ZEB1: variants seen among roughly 807,000 people sequenced by gnomAD.
ZEB1 encodes the protein zinc finger E-box-binding homeobox 1.
Under a neutral mutation model 84.9 loss-of-function variants are expected in ZEB1, and 21 were observed. The observed-to-expected ratio is 0.25, with a 90% CI of 0.18 to 0.36. ZEB1 has a LOEUF of 0.36. Ranked by LOEUF, ZEB1 falls within the 10% of genes least tolerant of loss-of-function variation. The pLI is 1.00. For missense variants in ZEB1, 1,104 were observed against 1,330.2 expected, an observed-to-expected ratio of 0.83 and a Z score of 2.65; for synonymous variants, 420 against 471.1, an observed-to-expected ratio of 0.89 and a Z score of 1.41.
intron 1 of ZEB1, among the ~76,000 whole-genome samples, chr10:31,393,036 T>C (rs1353488510): frequency 2.0e-5 from 3 of 152,048 alleles, no homozygotes; most frequent in Non-Finnish European, 4.4e-5. Flanking sequence ...GGGGGTCTCA[T>C]CATGTTGCCC....
intron 1 of ZEB1, among the ~76,000 whole-genome samples, chr10:31,438,829 G>A (rs2058568600): frequency 6.6e-6 from 1 of 152,188 alleles, no homozygotes; most frequent in African/African-American, 2.4e-5. Context: ...GGGTGACAGA[G>A]TGAGACCTCG....
intron 1 of ZEB1, chr10:31,321,997 G>A (rs2034196167): frequency 1.4e-5 from 3 of 208,328 alleles, no homozygotes; most frequent in Admixed American, 1.1e-4. Context: ...AAACAGATTT[G>A]CGTCTGTTTA....
At chr10:31,373,079 C>G in intron 1 of ZEB1, 1 of 985,404 alleles carries the variant, frequency 1.0e-6, no homozygotes. Flanking sequence ...ACATGATCAT[C>G]CAAATGTCAT....
At chr10:31,406,636 C>G (rs940413433) in intron 1 of ZEB1, among the ~76,000 whole-genome samples, 3 of 151,894 alleles carry the variant, frequency 2.0e-5, no homozygotes, top group Admixed American at 1.3e-4. Context: ...CTCCCATTCT[C>G]TCAGTTGCCT....
chr10:31,416,465 A>G (rs2055232989), intron 1 of ZEB1, among the ~76,000 whole-genome samples: 1 of 152,118 alleles, frequency 6.6e-6, no homozygotes, highest in African/African-American at 2.4e-5. Flanking sequence ...ATGGTCTTGA[A>G]CCAAACGATT....
chr10:31,394,814 A>G (rs996783438), intron 1 of ZEB1, among the ~76,000 whole-genome samples: 1 of 152,228 alleles, frequency 6.6e-6, no homozygotes, highest in African/African-American at 2.4e-5. Context: ...GTGTGAATTT[A>G]GTAAGCTTCA....
At chr10:31,512,900 A>G (rs1592014216) in intron 5 of ZEB1, among the ~76,000 whole-genome samples, 1 of 152,280 alleles carries the variant, frequency 6.6e-6, no homozygotes, top group East Asian at 1.9e-4. Context: ...AACATAAGAA[A>G]GCCTTGAGGC....
chr10:31,361,830 C>T (rs1316904895), intron 1 of ZEB1, among the ~76,000 whole-genome samples: 1 of 149,016 alleles, frequency 6.7e-6, no homozygotes, highest in East Asian at 2.0e-4. Context: ...TCCTCATTTC[C>T]CAGACGGTGA....
chr10:31,363,374 GGGC>G (rs1237604664), intron 1 of ZEB1: 5 of 1,534,328 alleles, frequency 3.3e-6, no homozygotes, highest in Middle Eastern at 2.3e-4. Context: ...GCATGCACCT[GGGC>G]CTTGTCAGTC....
rs1452289496 is a variant in ZEB1 at position 31,452,740 on chromosome 10, T to TGAGAGAGAGA, written c.59-8296_59-8295insAGAGAGAGAG. On this transcript the variant is annotated intron_variant, in intron 1 of 8. Coordinates refer to ENST00000424869, the MANE Select transcript of ZEB1 (RefSeq NM_001174096.2). ...GTGTGTGTGTGTGTGTGTGTGTGTG[T>TGAGAGAGAGA]GTGAGAGAGAGAGAGAGAGAGAGAG... Among the ~76,000 whole-genome samples, 321 of 97,520 alleles carry TGAGAGAGAGA rather than the reference T, an allele frequency of 3.3e-3. 1 individual carries two copies. The highest frequency in any genetic ancestry group is 0.022 in the African/African-American group (298 of 13,276). The allele number at this position is 97,520 out of a possible 152,430, so 64.0% of individuals were successfully genotyped here. A position where few individuals can be genotyped will look rare whatever the true frequency, so the allele number is the denominator to read the frequency against.
intron 2 of ZEB1, among the ~76,000 whole-genome samples, chr10:31,483,833 T>C (rs566073297): frequency 6.6e-6 from 1 of 152,162 alleles, no homozygotes; most frequent in South Asian, 2.1e-4. Flanking sequence ...ACAACACAAA[T>C]TTACTTTCTT....
chr10:31,357,406 A>G (rs1461965048), intron 1 of ZEB1, among the ~76,000 whole-genome samples: 2 of 152,150 alleles, frequency 1.3e-5, no homozygotes, highest in Non-Finnish European at 2.9e-5. Context: ...AACAAGAGAC[A>G]GTTGATATTG....
rs189890628 is a variant in ZEB1, at chr10:31,361,960, C to T, written c.58+42668C>T. ...GGCACTCCTCGCTTCGCAGACGGGACGGCGGCAGGGCAGAGGCGCTCCTCA... is the reference window on the plus strand; with the variant it reads ...GGCACTCCTCGCTTCGCAGACGGGATGGCGGCAGGGCAGAGGCGCTCCTCA... On this transcript the variant is annotated intron_variant, in intron 1 of 8. Transcript: ENST00000424869. Among the ~76,000 whole-genome samples, 693 of 147,952 alleles carry T rather than the reference C, an allele frequency of 4.7e-3. 5 individuals carry two copies. Among genetic ancestry groups the T allele is most frequent in the African/African-American group, 0.016 (622 of 39,524 alleles).
intron 1 of ZEB1, among the ~76,000 whole-genome samples, chr10:31,430,393 G>A (rs2057573256): frequency 6.6e-6 from 1 of 152,170 alleles, no homozygotes; most frequent in African/African-American, 2.4e-5. Context: ...CATTATATGT[G>A]AGGAAAATAC....
chr10:31,511,969 G>A (rs1234001742), intron 5 of ZEB1, among the ~76,000 whole-genome samples: 2 of 152,250 alleles, frequency 1.3e-5, no homozygotes, highest in East Asian at 3.9e-4. Flanking sequence ...ATAGGTTTAT[G>A]GTCCATAAGC....
chr10:31,458,406 C>G (rs891927475), intron 1 of ZEB1, among the ~76,000 whole-genome samples: 2 of 151,164 alleles, frequency 1.3e-5, no homozygotes, highest in African/African-American at 4.9e-5. Flanking sequence ...TCAGGAAACT[C>G]TTACAGTCAG....
chr10:31,425,998 G>T (rs965978802), intron 1 of ZEB1, among the ~76,000 whole-genome samples: 1 of 152,098 alleles, frequency 6.6e-6, no homozygotes, highest in Non-Finnish European at 1.5e-5. Context: ...GAGTACCATG[G>T]TACTTTGGAG....
chr10:31,483,312 T>A (rs1318296016), intron 2 of ZEB1, among the ~76,000 whole-genome samples: 1 of 151,960 alleles, frequency 6.6e-6, no homozygotes, highest in African/African-American at 2.4e-5. Context: ...TTTCTAAAAA[T>A]AAGGAAAATG....
chr10:31,443,475 A>G (rs1333622442), intron 1 of ZEB1, among the ~76,000 whole-genome samples: 2 of 150,624 alleles, frequency 1.3e-5, no homozygotes, highest in East Asian at 2.0e-4. Flanking sequence ...GGTTAGTTAC[A>G]TACGTATACA....
Sources: gnomAD v4.1 joint callset for allele counts (sites outside exome capture counted in the v4.1 genomes callset) on GRCh38, gnomAD v4.1.1 for gene constraint, MANE v1.5 for transcripts, NCBI Gene and HGNC (gene_info 2026-07-23, HGNC 2026-07-21) for gene names.